Variants in SH3RF3 observed in about 807,000 individuals in gnomAD.
SH3RF3 encodes SH3 domain containing ring finger 3.
SH3RF3 carries 29 observed loss-of-function variants against 66.3 expected under a neutral mutation model. The ratio of observed to expected loss-of-function variants is 0.44; its 90% CI spans 0.33 to 0.60. The LOEUF (loss-of-function observed/expected upper bound fraction) is 0.60, where lower values mean the gene tolerates loss of function less well. SH3RF3 is among the 20% of genes least tolerant of loss of function. The pLI is 0.04. For missense variants in SH3RF3, 1,194 were observed against 1,190.9 expected (o/e 1.00, Z -0.04); for synonymous variants, 583 against 532.0 (o/e 1.10, Z -1.32).
chr2:109,242,035 C>G (rs576699070), intron 1 of SH3RF3, among the ~76,000 whole-genome samples: 2 of 152,024 alleles, frequency 1.3e-5, no homozygotes, highest in Non-Finnish European at 2.9e-5. Flanking sequence ...CCCAGTCCTT[C>G]GTCCTGCAAG....
chr2:109,477,046 G>A lies in SH3RF3; in HGVS notation c.2149-13559G>A, dbSNP rs187045127. Among the ~76,000 whole-genome samples, 125 of 152,288 alleles carry A rather than the reference G, an allele frequency of 8.2e-4. 1 individual carries two copies. Among genetic ancestry groups the A allele is most frequent in the Middle Eastern group, 3.4e-3 (1 of 294 alleles). On this transcript the variant is annotated intron_variant, in intron 8 of 9. Transcript: ENST00000309415. ...TCTGTGCCTTGTGCTGACCTTCTGT[G>A]ACTTAGAATGCCTTAACTGTCTGGG...
At position 109,454,922 on chromosome 2, in the gene SH3RF3, GA is replaced by G. The variant is rs559267751; in HGVS notation, c.2148+5444del. ...CTTATGGGAAATTCTTTATGGGCCA[GA>G]AAAAAAAAAAGTTAACTCTCTCTTT... is the stretch of plus-strand genomic sequence containing the variant. On this transcript the variant is annotated intron_variant, in intron 8 of 9. Transcript: ENST00000309415. Among the ~76,000 whole-genome samples, 316 of 144,696 alleles carry G rather than the reference GA, an allele frequency of 2.2e-3. 2 individuals carry two copies. The highest frequency in any genetic ancestry group is 7.5e-3 in the African/African-American group (297 of 39,580). The allele number at this position is 144,696 out of a possible 152,430, so 94.9% of individuals were successfully genotyped here. A position where few individuals can be genotyped will look rare whatever the true frequency, so the allele number is the denominator to read the frequency against.
chr2:109,166,495 C>T (rs1269867124), intron 1 of SH3RF3, among the ~76,000 whole-genome samples: 5 of 151,236 alleles, frequency 3.3e-5, no homozygotes, highest in Non-Finnish European at 7.4e-5. Context: ...TGCCCTTCAC[C>T]TCTATGTCAA....
chr2:109,447,147 T>TAAAAAAAAAAAAAAAAAAAAAAA (rs61240132), intron 7 of SH3RF3, among the ~76,000 whole-genome samples: 3 of 82,682 alleles, frequency 3.6e-5, no homozygotes, highest in Non-Finnish European at 5.4e-5. Flanking sequence ...CCTGAATATT[T>TAAAAAAAAAAAAAAAAAAAAAAA]AAAAAAAAAA....
chr2:109,400,024 G>T (rs566965015), intron 4 of SH3RF3, among the ~76,000 whole-genome samples: 1 of 152,208 alleles, frequency 6.6e-6, no homozygotes, highest in Non-Finnish European at 1.5e-5. Context: ...GAGCAAGGGC[G>T]CTGATCTGCG....
chr2:109,312,261 C>CT (rs1681747489), intron 1 of SH3RF3, among the ~76,000 whole-genome samples: 1 of 152,146 alleles, frequency 6.6e-6, no homozygotes, highest in Non-Finnish European at 1.5e-5. Flanking sequence ...AGAGCTGGGG[C>CT]TCTGAGTCCT....
chr2:109,485,796 A>G (rs192343543), intron 8 of SH3RF3, among the ~76,000 whole-genome samples: 51 of 152,338 alleles, frequency 3.3e-4, no homozygotes, highest in African/African-American at 1.2e-3. Flanking sequence ...GTAACATGTC[A>G]GTGTTCCGTG....
chr2:109,272,583 G>T (rs1380384124), intron 1 of SH3RF3, among the ~76,000 whole-genome samples: 2 of 152,220 alleles, frequency 1.3e-5, no homozygotes, highest in Non-Finnish European at 2.9e-5. Flanking sequence ...CAGAGCGCTC[G>T]TTCCTTTGGA....
At chr2:109,269,314 T>A (rs1360102781) in intron 1 of SH3RF3, among the ~76,000 whole-genome samples, 1 of 152,172 alleles carries the variant, frequency 6.6e-6, no homozygotes, top group Non-Finnish European at 1.5e-5. Flanking sequence ...GCAGCCAAGA[T>A]GGGAAAACCT....
intron 1 of SH3RF3, among the ~76,000 whole-genome samples, chr2:109,306,915 T>C (rs1045572923): frequency 7.2e-5 from 11 of 152,254 alleles, no homozygotes; most frequent in African/African-American, 2.7e-4. Context: ...GCGGCATGCA[T>C]GCCCGTGTGG....
chr2:109,158,412 G>A (rs1334756645), intron 1 of SH3RF3, among the ~76,000 whole-genome samples: 3 of 152,246 alleles, frequency 2.0e-5, no homozygotes, highest in Admixed American at 6.5e-5. Context: ...GCTTGCCTTC[G>A]TGGGTCATTG....
chr2:109,409,809 T>C (rs2104480688), intron 4 of SH3RF3, among the ~76,000 whole-genome samples: 1 of 152,214 alleles, frequency 6.6e-6, no homozygotes, highest in Non-Finnish European at 1.5e-5. Flanking sequence ...GAGTTTTCTT[T>C]GGGAAGCAAG....
In SH3RF3 at chr2:109,410,075, C is replaced by T. The variant is rs545899168; in HGVS notation, c.1300-9464C>T. On this transcript the variant is annotated intron_variant, in intron 4 of 9. Transcript: ENST00000309415. Reference sequence around the variant, plus strand: ...TAGTAATCCCAGCAGGGAACTAATACGGCCTGGTTCCCAGCCACTGCTTAG... The same window carrying T: ...TAGTAATCCCAGCAGGGAACTAATATGGCCTGGTTCCCAGCCACTGCTTAG... 4.6e-5 allele frequency among the ~76,000 whole-genome samples: 7 copies of T among 152,338 alleles called. No homozygotes were observed. The South Asian group carries it at 6.2e-4, about 14-fold the overall frequency.
intron 2 of SH3RF3, among the ~76,000 whole-genome samples, chr2:109,352,658 C>T (rs558789371): frequency 2.0e-5 from 3 of 152,206 alleles, no homozygotes; most frequent in Admixed American, 6.5e-5. Flanking sequence ...TGAAGTTACC[C>T]GAGAAACTCA....
intron 4 of SH3RF3, among the ~76,000 whole-genome samples, chr2:109,410,413 G>A (rs1013984760): frequency 6.6e-6 from 1 of 152,202 alleles, no homozygotes; most frequent in Non-Finnish European, 1.5e-5. Context: ...TCGGTGCGGA[G>A]GGCCCCTGCA....
At chr2:109,418,713 C>T (rs888080541) in intron 4 of SH3RF3, among the ~76,000 whole-genome samples, 1 of 152,230 alleles carries the variant, frequency 6.6e-6, no homozygotes, top group African/African-American at 2.4e-5. Flanking sequence ...AGGGCTGGGA[C>T]TTGGACAGAT....
chr2:109,443,510 G>A (rs1044622520), intron 7 of SH3RF3, among the ~76,000 whole-genome samples: 1 of 152,124 alleles, frequency 6.6e-6, no homozygotes. Context: ...GTTACAAATC[G>A]TTTTTCACTA....
At chr2:109,132,236 G>T (rs1459415819) in intron 1 of SH3RF3, among the ~76,000 whole-genome samples, 1 of 151,934 alleles carries the variant, frequency 6.6e-6, no homozygotes, top group African/African-American at 2.4e-5. Flanking sequence ...TCTTCTTTTG[G>T]GCCAATTAGG....
At chr2:109,392,338 CTTG>C (rs757610369) in intron 3 of SH3RF3, among the ~76,000 whole-genome samples, 25 of 152,284 alleles carry the variant, frequency 1.6e-4, no homozygotes, top group Admixed American at 6.5e-5. Flanking sequence ...AATGGTGCTG[CTTG>C]TTCACTGTGT....
Sources: gnomAD v4.1 joint callset for allele counts (sites outside exome capture counted in the v4.1 genomes callset) on GRCh38, gnomAD v4.1.1 for gene constraint, MANE v1.5 for transcripts, NCBI Gene and HGNC (gene_info 2026-07-23, HGNC 2026-07-21) for gene names.